Variants in PNPLA1 observed in about 807,000 individuals in gnomAD.
PNPLA1 encodes the protein omega-hydroxyceramide transacylase.
Under a neutral mutation model 51.7 loss-of-function variants are expected in PNPLA1, and 36 were observed. The ratio of observed to expected loss-of-function variants is 0.70; its 90% CI spans 0.53 to 0.92. The LOEUF (loss-of-function observed/expected upper bound fraction) is 0.92, where lower values mean the gene tolerates loss of function less well. Among genes scored for constraint, PNPLA1 ranks in the 40% least tolerant of loss-of-function variants. The pLI is 0.00. For missense variants in PNPLA1, 658 were observed against 682.5 expected (o/e 0.96, Z 0.40); for synonymous variants, 293 against 280.1 (o/e 1.05, Z -0.46).
chr6:36,304,249 G>A (rs191225290), intron 6 of PNPLA1, among the ~76,000 whole-genome samples: 88 of 152,212 alleles, frequency 5.8e-4, no homozygotes, highest in Non-Finnish European at 8.1e-4. Flanking sequence ...GTCACAGATC[G>A]GCAATGTCTC....
At chr6:36,244,182 C>T (rs76528824) in intron 1 of PNPLA1, among the ~76,000 whole-genome samples, 3,276 of 152,182 alleles carry the variant, frequency 0.022, 61 homozygotes, top group Non-Finnish European at 0.03. Flanking sequence ...ATTGCATTTA[C>T]ATGGTCTCAA....
chr6:36,273,542 G>C, intron 1 of PNPLA1, among the ~76,000 whole-genome samples: 2 of 151,334 alleles, frequency 1.3e-5, no homozygotes, highest in South Asian at 2.1e-4. Context: ...CTCCTTTTCC[G>C]GGCGCCTGCG....
At chr6:36,305,512 T>C (rs1771202786) in intron 6 of PNPLA1, among the ~76,000 whole-genome samples, 1 of 152,174 alleles carries the variant, frequency 6.6e-6, no homozygotes, top group African/African-American at 2.4e-5. Flanking sequence ...TATTTATATA[T>C]AATACATAAT....
At chr6:36,310,319 T>C (rs1010883221) in intron 8 of PNPLA1, among the ~76,000 whole-genome samples, 4 of 152,324 alleles carry the variant, frequency 2.6e-5, no homozygotes, top group Middle Eastern at 3.4e-3. Flanking sequence ...TTTCCTCTGC[T>C]AGCCTTGGCT....
intron 6 of PNPLA1, among the ~76,000 whole-genome samples, chr6:36,302,933 CTG>C (rs1771114221): frequency 6.6e-6 from 1 of 152,158 alleles, no homozygotes; most frequent in Non-Finnish European, 1.5e-5. Context: ...CAGCCCTCAA[CTG>C]TGTGTTACTA....
chr6:36,282,887 C>A (rs141474344), intron 1 of PNPLA1, among the ~76,000 whole-genome samples: 74 of 152,174 alleles, frequency 4.9e-4, no homozygotes, highest in Non-Finnish European at 8.1e-4. Flanking sequence ...GTTTCACCAT[C>A]TTGGCCAGGC....
At position 36,301,897 on chromosome 6, in the gene PNPLA1, T is replaced by C; in HGVS notation, c.812T>C (p.Ile271Thr). The change falls in exon 6 of 9, where the codon ATT becomes ACT. Residue 271 changes from isoleucine (I) to threonine (T), a missense_variant. Transcript: ENST00000636260. ...VYLNSSSKRVIFPRVEVYCQI... is the reference protein window; with the variant it reads ...VYLNSSSKRVTFPRVEVYCQI... ...CTTAATTCTTCCTCCAAGAGAGTGA[T>C]TTTCCCCCGGGTGGAAGTGTACTGC... 6.2e-7 allele frequency: 1 copy of C among 1,614,106 alleles called. No individual in the cohort carries two copies. Among genetic ancestry groups the C allele is most frequent in the Non-Finnish European group, 8.5e-7 (1 of 1,180,002 alleles).
intron 1 of PNPLA1, among the ~76,000 whole-genome samples, chr6:36,249,894 A>C (rs888163556): frequency 6.6e-6 from 1 of 152,242 alleles, no homozygotes; most frequent in African/African-American, 2.4e-5. Context: ...TAACTTGCTT[A>C]GCACAGAGTT....
At chr6:36,247,163 G>A (rs1582018692) in intron 1 of PNPLA1, among the ~76,000 whole-genome samples, 1 of 152,164 alleles carries the variant, frequency 6.6e-6, no homozygotes, top group African/African-American at 2.4e-5. Flanking sequence ...GCCCTCCAGA[G>A]AAGCCACTGT....
chr6:36,304,123 G>C (rs1404172804), intron 6 of PNPLA1, among the ~76,000 whole-genome samples: 2 of 152,110 alleles, frequency 1.3e-5, no homozygotes, highest in Non-Finnish European at 2.9e-5. Context: ...CTTGTGTGTG[G>C]CCACCATGGA....
intron 1 of PNPLA1, among the ~76,000 whole-genome samples, chr6:36,276,238 C>T (rs1024651707): frequency 3.9e-5 from 6 of 152,152 alleles, no homozygotes; most frequent in Admixed American, 1.3e-4. Flanking sequence ...GGATTACAGG[C>T]GTGAGCCACC....
intron 1 of PNPLA1, among the ~76,000 whole-genome samples, chr6:36,280,465 C>G (rs574625263): frequency 1.3e-5 from 2 of 152,312 alleles, no homozygotes; most frequent in South Asian, 4.1e-4. Context: ...ATATGCAATA[C>G]AGATTTGGGT....
At chr6:36,253,451 T>A (rs554809903) in intron 1 of PNPLA1, among the ~76,000 whole-genome samples, 2 of 152,248 alleles carry the variant, frequency 1.3e-5, no homozygotes, top group South Asian at 4.1e-4. Flanking sequence ...AAACAGTGAG[T>A]CTCATCTAAG....
chr6:36,292,530 T>C (rs1183625047), intron 2 of PNPLA1, among the ~76,000 whole-genome samples: 1 of 152,164 alleles, frequency 6.6e-6, no homozygotes, highest in African/African-American at 2.4e-5. Context: ...CTGCTTTGCC[T>C]GCTGCTGAAA....
In PNPLA1 at chr6:36,313,686, T is replaced by G. The variant is rs11751412; in HGVS notation, c.*1800T>G. Among the ~76,000 whole-genome samples the G allele has an allele frequency of 0.34, 51,410 of 152,004 alleles. 9,248 individuals carry two copies. Among genetic ancestry groups the G allele is most frequent in the East Asian group, 0.46 (2,372 of 5,154 alleles). The stretch of plus-strand genomic sequence containing the variant: ...AGGAAGCAGCTGGAGGTGTGTACTG[T>G]GGGGGAGACTGACTAGAGAGGCCCG... On this transcript the variant is annotated 3_prime_UTR_variant, in exon 9 of 9. Coordinates refer to ENST00000636260, the MANE Select transcript of PNPLA1 (RefSeq NM_001374623.1).
intron 1 of PNPLA1, among the ~76,000 whole-genome samples, chr6:36,248,719 A>G (rs1561845304): frequency 6.6e-6 from 1 of 152,124 alleles, no homozygotes; most frequent in Admixed American, 6.5e-5. Flanking sequence ...AGGTTTCACC[A>G]TGTTGGCCAG....
At position 36,299,905 on chromosome 6, in the gene PNPLA1, G is replaced by A. The variant is rs191819557; in HGVS notation, c.776-1956G>A. 2.3e-4 allele frequency among the ~76,000 whole-genome samples: 35 copies of A among 152,180 alleles called. No individual in the cohort carries two copies. The East Asian group carries it at 4.8e-3, about 21-fold the overall frequency. ...ATAACTTGTGAAAATAATACAGGGTGTTTGTCTCACATCTGTTAGACGTTA... is the reference window on the plus strand; with the variant it reads ...ATAACTTGTGAAAATAATACAGGGTATTTGTCTCACATCTGTTAGACGTTA... On this transcript the variant is annotated intron_variant, in intron 5 of 8. Coordinates refer to ENST00000636260, the MANE Select transcript of PNPLA1 (RefSeq NM_001374623.1).
At chr6:36,260,439 A>G (rs911628102) in intron 1 of PNPLA1, among the ~76,000 whole-genome samples, 1 of 152,204 alleles carries the variant, frequency 6.6e-6, no homozygotes, top group Non-Finnish European at 1.5e-5. Flanking sequence ...TTACTTTGCT[A>G]TGTATAAGAA....
rs1269714489 is a variant in PNPLA1, at chr6:36,302,034, A to G, written c.949A>G (p.Lys317Glu). Residue 317 changes from lysine to glutamate, a missense_variant, in exon 6 of 9, where the codon AAA becomes GAA. Coordinates refer to ENST00000636260, the MANE Select transcript of PNPLA1 (RefSeq NM_001374623.1). ...ATQPHKEWVP[K>E]GDGRGSHGPP... Reference sequence around the variant, plus strand: ...ACAACCTCACAAGGAGTGGGTTCCCAAAGGGGATGGAAGGGGCAGCCATGG... The same window carrying G: ...ACAACCTCACAAGGAGTGGGTTCCCGAAGGGGATGGAAGGGGCAGCCATGG... 8 of 1,614,226 alleles carry G rather than the reference A, an allele frequency of 5.0e-6. No individual in the cohort carries two copies. The highest frequency in any genetic ancestry group is 1.7e-5 in the Admixed American group (1 of 60,028).
Sources: gnomAD v4.1 joint callset for allele counts (sites outside exome capture counted in the v4.1 genomes callset) on GRCh38, gnomAD v4.1.1 for gene constraint, MANE v1.5 for transcripts, NCBI Gene and HGNC (gene_info 2026-07-23, HGNC 2026-07-21) for gene names.